The following MRO variants were observed in gnomAD, a reference collection of about 807,000 sequenced individuals.
MRO encodes the protein protein maestro.
In MRO, 28 loss-of-function variants were observed where a neutral mutation model predicts 31.0. That is an observed-to-expected ratio of 0.90 (90% CI 0.67 to 1.24). The LOEUF (loss-of-function observed/expected upper bound fraction) is 1.24. Among genes scored for constraint, MRO ranks in the 50% most tolerant of loss-of-function variants. MRO has a pLI of 0.00. For missense variants in MRO, 332 were observed against 289.2 expected, an observed-to-expected ratio of 1.15 and a Z score of -1.07; for synonymous variants, 108 against 108.4, an observed-to-expected ratio of 1.00 and a Z score of 0.02.
chr18:50,803,321 A>G (rs1024019609), intron 5 of MRO, among the ~76,000 whole-genome samples: 3 of 152,114 alleles, frequency 2.0e-5, no homozygotes, highest in African/African-American at 4.8e-5. Flanking sequence ...AGCCTGGGCA[A>G]CATAACAAGA....
chr18:50,808,972 C>A (rs1426693288), intron 3 of MRO, among the ~76,000 whole-genome samples: 1 of 150,586 alleles, frequency 6.6e-6, no homozygotes, highest in Non-Finnish European at 1.5e-5. Context: ...CCCGTCTCTA[C>A]TAAAAATACA....
At position 50,805,229 on chromosome 18, in the gene MRO, C is replaced by A. The variant is rs1478445814; in HGVS notation, c.354G>T (p.Leu118=). 6.2e-7 allele frequency: 1 copy of A among 1,614,082 alleles called. No homozygotes were observed. The highest frequency in any genetic ancestry group is 8.5e-7 in the Non-Finnish European group (1 of 1,179,974). ...HESMKTLTVV[L]GKIQGKGLGS... is the part of the protein sequence containing the mutation. ...CCAAACCTTTCCCCTGGATCTTGCC[C>A]AGAACGACGGTCAGAGTCTTCATAC... Residue 118 remains leucine, a synonymous_variant, in exon 5 of 8, where the codon CTG becomes CTT. Transcript: ENST00000398439.
chr18:50,799,432 A>G, intron 7 of MRO, 42 bp from the exon 8 acceptor site: 3 of 1,560,640 alleles, frequency 1.9e-6, no homozygotes, highest in Admixed American at 1.7e-5. Flanking sequence ...GCAGGATTCA[A>G]CAAACTTCCT....
In MRO at chr18:50,805,338, T is replaced by C. The variant is rs559431390; in HGVS notation, c.247-2A>G. On this transcript the variant is annotated splice_acceptor_variant, in intron 4 of 7. Coordinates refer to ENST00000398439, the MANE Select transcript of MRO (RefSeq NM_031939.6). LOFTEE classifies it high-confidence loss of function. ...GACAATTTTCTTATACTTTCTCACC[T>C]GTCACCAAGGTTTGAAAAGCAGTAA... 1.2e-5 allele frequency: 19 copies of C among 1,612,964 alleles called. No homozygotes were observed. In the African/African-American group the frequency reaches 1.2e-4, roughly 10 times the overall value.
At position 50,795,352 on chromosome 18, in the gene MRO, T is replaced by A. The variant is rs1027322614; in HGVS notation, c.*3985A>T. The A allele has an allele frequency of 3.9e-5, 6 of 152,238 alleles. No individual in the cohort carries two copies. Among genetic ancestry groups the A allele is most frequent in the Non-Finnish European group, 7.3e-5 (5 of 68,048 alleles). 9.4% of individuals were successfully genotyped at this position (152,238 alleles called of 1,614,324 possible). ...TGCATGTGTTTTATAACTATGAAAG[T>A]AATACATGCTCATTGCAGCAAACTT... On this transcript the variant is annotated 3_prime_UTR_variant, in exon 8 of 8. Transcript: ENST00000398439.
chr18:50,819,061 GA>G (rs11300287), intron 2 of MRO, among the ~76,000 whole-genome samples: 20,743 of 148,768 alleles, frequency 0.14, 1,407 homozygotes, highest in Middle Eastern at 0.16. Flanking sequence ...TCAAAAAAAT[GA>G]AAAAAAAAAT....
intron 5 of MRO, among the ~76,000 whole-genome samples, chr18:50,802,916 AGTGTGT>A (rs71735972): frequency 3.8e-4 from 55 of 144,710 alleles, no homozygotes; most frequent in East Asian, 4.1e-4. Flanking sequence ...GTGTGTGTGT[AGTGTGT>A]GTGTGTGTGT....
rs1002939666 is a variant in MRO, at chr18:50,795,475, G to C, written c.*3862C>G. On this transcript the variant is annotated 3_prime_UTR_variant, in exon 8 of 8. Transcript: ENST00000398439. ...TTTCTCGCTTTCAAAACATTCTAGT[G>C]CTTTTTTATAACGTGTGAAGCGTTC... The C allele has an allele frequency of 4.6e-5, 7 of 152,174 alleles. No individual in the cohort carries two copies. Among genetic ancestry groups the C allele is most frequent in the African/African-American group, 1.7e-4 (7 of 41,436 alleles). The allele number at this position is 152,174 out of a possible 1,614,324, so 9.4% of individuals were successfully genotyped here. A position where few individuals can be genotyped will look rare whatever the true frequency, so the allele number is the denominator to read the frequency against.
chr18:50,812,118 C>A (rs1914529700), intron 2 of MRO, among the ~76,000 whole-genome samples: 1 of 152,140 alleles, frequency 6.6e-6, no homozygotes, highest in African/African-American at 2.4e-5. Context: ...ATTTTACATA[C>A]CCACCAGCAA....
intron 5 of MRO, among the ~76,000 whole-genome samples, chr18:50,804,760 C>T (rs1186695209): frequency 1.3e-5 from 2 of 152,094 alleles, no homozygotes; most frequent in African/African-American, 4.8e-5. Context: ...ACCTTGTTCC[C>T]ACAGCAACAA....
intron 2 of MRO, among the ~76,000 whole-genome samples, chr18:50,813,099 C>T (rs1914603938): frequency 6.6e-6 from 1 of 152,200 alleles, no homozygotes; most frequent in South Asian, 2.1e-4. Flanking sequence ...ATTTGACTCA[C>T]TTGATCTGGA....
intron 5 of MRO, among the ~76,000 whole-genome samples, chr18:50,801,775 G>T (rs1157477420): frequency 6.6e-6 from 1 of 152,148 alleles, no homozygotes; most frequent in African/African-American, 2.4e-5. Flanking sequence ...GAAATCACTA[G>T]TGCTACTCCC....
intron 3 of MRO, 53 bp downstream of exon 3, chr18:50,809,242 ATACATCT>A (rs1914249279): frequency 7.4e-7 from 1 of 1,358,938 alleles, no homozygotes; most frequent in African/African-American, 1.4e-5. Flanking sequence ...CCAAGCAAAC[ATACATCT>A]TACAAAACAG....
intron 2 of MRO, among the ~76,000 whole-genome samples, chr18:50,813,394 AG>A (rs1197940954): frequency 6.6e-6 from 1 of 152,240 alleles, no homozygotes; most frequent in Non-Finnish European, 1.5e-5. Flanking sequence ...GTTTGATTGA[AG>A]GTATTCCCAC....
chr18:50,804,894 C>T (rs547436339), intron 5 of MRO, among the ~76,000 whole-genome samples: 15 of 151,930 alleles, frequency 9.9e-5, no homozygotes, highest in Non-Finnish European at 1.8e-4. Flanking sequence ...CAAGTTCAAG[C>T]GATTCTCCTG....
intron 7 of MRO, 92 bp downstream of exon 7, chr18:50,799,944 G>A: frequency 1.2e-6 from 1 of 862,512 alleles, no homozygotes; most frequent in Non-Finnish European, 1.9e-6. Flanking sequence ...ATTTTAAGGG[G>A]GTAACTCTTT....
intron 5 of MRO, among the ~76,000 whole-genome samples, chr18:50,803,793 T>C (rs1451769860): frequency 6.6e-6 from 1 of 152,220 alleles, no homozygotes; most frequent in African/African-American, 2.4e-5. Context: ...CACATCTGGC[T>C]CTCGCCACGT....
chr18:50,818,537 G>A lies in MRO; in HGVS notation c.-5+1044C>T, dbSNP rs146332333. Among the ~76,000 whole-genome samples, 105 of 152,296 alleles carry A rather than the reference G, an allele frequency of 6.9e-4. 1 individual carries two copies. The highest frequency in any genetic ancestry group is 2.5e-3 in the African/African-American group (102 of 41,568). Reference sequence around the variant, plus strand: ...TACATGGATTTGGGGTAACTTAGAAGACTGTTTTATGCTTTACACTGACTC... The same window carrying A: ...TACATGGATTTGGGGTAACTTAGAAAACTGTTTTATGCTTTACACTGACTC... On this transcript the variant is annotated intron_variant, in intron 2 of 7. Coordinates refer to ENST00000398439, the MANE Select transcript of MRO (RefSeq NM_031939.6).
intron 4 of MRO, among the ~76,000 whole-genome samples, chr18:50,806,277 C>G (rs755584630): frequency 6.6e-6 from 1 of 152,160 alleles, no homozygotes; most frequent in Non-Finnish European, 1.5e-5. Context: ...GCGACACCCT[C>G]CTGCTGGCCT....
Sources: allele counts gnomAD v4.1 joint callset (sites outside exome capture counted in the v4.1 genomes callset), GRCh38; gene constraint gnomAD v4.1.1; transcripts MANE v1.5; gene names NCBI Gene and HGNC (gene_info 2026-07-23, HGNC 2026-07-21).